The following MAML3 variants were observed in gnomAD, a reference collection of about 807,000 sequenced individuals.
MAML3 encodes mastermind like transcriptional coactivator 3.
A neutral mutation model predicts 101.9 loss-of-function variants in MAML3; 27 were observed. That is an observed-to-expected ratio of 0.27 (90% CI 0.20 to 0.37). The LOEUF (loss-of-function observed/expected upper bound fraction) is 0.37, where lower values mean the gene tolerates loss of function less well. Among genes scored for constraint, MAML3 ranks in the 10% least tolerant of loss-of-function variants. The pLI is 1.00. For synonymous variants in MAML3, 501 were observed against 555.9 expected, an observed-to-expected ratio of 0.90 and a Z score of 1.39; for missense variants, 1,316 against 1,444.9, an observed-to-expected ratio of 0.91 and a Z score of 1.45.
intron 1 of MAML3, among the ~76,000 whole-genome samples, chr4:140,097,644 A>T (rs1728185777): frequency 6.6e-6 from 1 of 151,866 alleles, no homozygotes; most frequent in Non-Finnish European, 1.5e-5. Context: ...AAAAAAAAAA[A>T]GGTTAATTTT....
At chr4:139,784,497 T>C (rs1458922192) in intron 2 of MAML3, among the ~76,000 whole-genome samples, 1 of 152,184 alleles carries the variant, frequency 6.6e-6, no homozygotes, top group African/African-American at 2.4e-5. Context: ...CCTGCTGTGA[T>C]TGACTTCCAC....
At chr4:139,819,177 G>T (rs1218780810) in intron 2 of MAML3, among the ~76,000 whole-genome samples, 2 of 152,150 alleles carry the variant, frequency 1.3e-5, no homozygotes, top group Non-Finnish European at 2.9e-5. Context: ...TGGGCCTGGA[G>T]CGGGGAGAGT....
chr4:139,905,490 T>TAAAAAAAAAAAAAAA (rs1732806891), intron 1 of MAML3, among the ~76,000 whole-genome samples: 1 of 6,884 alleles, frequency 1.5e-4, no homozygotes, highest in Non-Finnish European at 1.1e-3. Context: ...AGACTCTGTC[T>TAAAAAAAAAAAAAAA]CAAAAAAAAA....
chr4:140,066,425 T>C (rs1578666880), intron 1 of MAML3, among the ~76,000 whole-genome samples: 1 of 152,348 alleles, frequency 6.6e-6, no homozygotes, highest in South Asian at 2.1e-4. Flanking sequence ...ATCGCTCTAC[T>C]TGCTGTTCTT....
intron 2 of MAML3, among the ~76,000 whole-genome samples, chr4:139,789,576 G>C (rs1202663183): frequency 6.6e-6 from 1 of 152,138 alleles, no homozygotes; most frequent in Non-Finnish European, 1.5e-5. Flanking sequence ...GGAAGGCCTG[G>C]GTGGGGACAC....
intron 1 of MAML3, among the ~76,000 whole-genome samples, chr4:140,030,631 C>A (rs2110890707): frequency 6.6e-6 from 1 of 152,290 alleles, no homozygotes; most frequent in East Asian, 1.9e-4. Flanking sequence ...CATCTCACTT[C>A]TTTCCCTTCA....
intron 3 of MAML3, among the ~76,000 whole-genome samples, chr4:139,727,354 A>G (rs11100232): frequency 0.11 from 16,991 of 152,224 alleles, 1,137 homozygotes; most frequent in African/African-American, 0.18. Flanking sequence ...ACTGAGAGTA[A>G]GCTGAGCATT....
intron 1 of MAML3, among the ~76,000 whole-genome samples, chr4:140,084,175 C>T (rs542068685): frequency 2.0e-4 from 30 of 152,258 alleles, no homozygotes; most frequent in African/African-American, 6.5e-4. Flanking sequence ...ATAATATGCA[C>T]GTGAGAGAAA....
At chr4:139,864,276 A>G (rs1175089715) in intron 2 of MAML3, among the ~76,000 whole-genome samples, 4 of 152,188 alleles carry the variant, frequency 2.6e-5, no homozygotes, top group African/African-American at 9.6e-5. Context: ...GCTCATTCAC[A>G]AACTTTCTGA....
chr4:140,122,903 T>C (rs986525023), intron 1 of MAML3, among the ~76,000 whole-genome samples: 30 of 152,112 alleles, frequency 2.0e-4, no homozygotes, highest in Non-Finnish European at 4.4e-5. Flanking sequence ...CTTCAAATAC[T>C]TAAGAGTTTT....
In MAML3 at chr4:139,771,989, C is replaced by T. The variant is rs951115861; in HGVS notation, c.2080-41322G>A. On this transcript the variant is annotated intron_variant, in intron 2 of 4. Transcript: ENST00000509479. ...GCGCGGTGGCTCACGCCTGTAATCC[C>T]AGCACTTTGGGAGGCCGAGGTGGGC... 2.1e-4 allele frequency among the ~76,000 whole-genome samples: 32 copies of T among 151,488 alleles called. No homozygotes were observed. In the Middle Eastern group the frequency reaches 0.01, roughly 49 times the overall value.
intron 2 of MAML3, among the ~76,000 whole-genome samples, chr4:139,788,587 C>T (rs563299278): frequency 9.5e-4 from 145 of 152,222 alleles, no homozygotes; most frequent in Non-Finnish European, 1.9e-3. Context: ...ACCATTGTCC[C>T]TATTTTTAGC....
In MAML3 at chr4:140,030,805, G is replaced by C. The variant is rs189761181; in HGVS notation, c.468+122055C>G. ...CCACTGGGCAAGCCTCATAACAGAG[G>C]AGACATTCTAAACCCCAGGGATGGT... On this transcript the variant is annotated intron_variant, in intron 1 of 4. Transcript: ENST00000509479. Among the ~76,000 whole-genome samples, 348 of 152,306 alleles carry C rather than the reference G, an allele frequency of 2.3e-3. 2 individuals carry two copies. The highest frequency in any genetic ancestry group is 7.8e-3 in the African/African-American group (325 of 41,554).
intron 1 of MAML3, among the ~76,000 whole-genome samples, chr4:139,953,947 G>A (rs1490827094): frequency 6.6e-6 from 1 of 152,192 alleles, no homozygotes; most frequent in Non-Finnish European, 1.5e-5. Context: ...ATTCCTAAAT[G>A]TAGGTACCAC....
chr4:140,075,359 A>G (rs1727748011), intron 1 of MAML3, among the ~76,000 whole-genome samples: 1 of 151,972 alleles, frequency 6.6e-6, no homozygotes, highest in Admixed American at 6.5e-5. Context: ...ATAGATGTGT[A>G]GAAAAAAACA....
chr4:140,109,148 A>T (rs1728400330), intron 1 of MAML3, among the ~76,000 whole-genome samples: 1 of 152,196 alleles, frequency 6.6e-6, no homozygotes, highest in African/African-American at 2.4e-5. Flanking sequence ...AAAAGAGAAG[A>T]GACTAAGAAA....
chr4:140,106,917 C>T (rs1728362374), intron 1 of MAML3, among the ~76,000 whole-genome samples: 1 of 152,176 alleles, frequency 6.6e-6, no homozygotes, highest in African/African-American at 2.4e-5. Context: ...GTCGCCCAGG[C>T]TTGAGTGCAA....
At chr4:140,146,931 C>T (rs777615708) in intron 1 of MAML3, among the ~76,000 whole-genome samples, 1 of 151,710 alleles carries the variant, frequency 6.6e-6, no homozygotes, top group Non-Finnish European at 1.5e-5. Flanking sequence ...GTCAGGAGAT[C>T]GACACCATCC....
intron 1 of MAML3, among the ~76,000 whole-genome samples, chr4:139,911,824 T>C (rs534508651): frequency 2.0e-5 from 3 of 152,338 alleles, no homozygotes; most frequent in Non-Finnish European, 4.4e-5. Context: ...TGCTGGCACC[T>C]TGATCTTGGA....
Sources: gnomAD v4.1 joint callset for allele counts (sites outside exome capture counted in the v4.1 genomes callset) on GRCh38, gnomAD v4.1.1 for gene constraint, MANE v1.5 for transcripts, NCBI Gene and HGNC (gene_info 2026-07-23, HGNC 2026-07-21) for gene names.